The following SIL1 variants were observed in gnomAD, a reference collection of about 807,000 sequenced individuals.
The protein encoded by SIL1 is SIL1 nucleotide exchange factor.
In SIL1, 40 loss-of-function variants were observed where a neutral mutation model predicts 49.1. That is an observed-to-expected ratio of 0.81 (90% CI 0.63 to 1.06). SIL1 has a LOEUF of 1.06. Ranked by LOEUF, SIL1 falls within the 50% of genes least tolerant of loss-of-function variation. The pLI is 0.00. For missense variants in SIL1, 500 were observed against 572.6 expected (o/e 0.87, Z 1.29); for synonymous variants, 253 against 250.8 (o/e 1.01, Z -0.08).
At chr5:139,058,870 A>T (rs978055212) in intron 3 of SIL1, among the ~76,000 whole-genome samples, 4 of 150,872 alleles carry the variant, frequency 2.7e-5, no homozygotes, top group African/African-American at 9.8e-5. Context: ...TCAATTGGAG[A>T]ACAGTGTTTA....
At chr5:139,122,817 G>C (rs1750673164) in intron 2 of SIL1, among the ~76,000 whole-genome samples, 1 of 152,128 alleles carries the variant, frequency 6.6e-6, no homozygotes. Context: ...AAATATCTTG[G>C]CAAGAAGAAG....
intron 3 of SIL1, among the ~76,000 whole-genome samples, chr5:139,085,783 A>C (rs1439703815): frequency 6.6e-6 from 1 of 152,208 alleles, no homozygotes; most frequent in Admixed American, 6.5e-5. Context: ...ATGAGGCTGG[A>C]AACACAGGCT....
At chr5:138,975,320 C>T (rs1243449479) in intron 7 of SIL1, among the ~76,000 whole-genome samples, 1 of 152,056 alleles carries the variant, frequency 6.6e-6, no homozygotes, top group Admixed American at 6.5e-5. Flanking sequence ...AAAATGAAAC[C>T]ACTGTCCTCC....
intron 5 of SIL1, among the ~76,000 whole-genome samples, chr5:139,040,488 T>TTTC (rs1270953790): frequency 1.8e-5 from 2 of 109,856 alleles, no homozygotes; most frequent in East Asian, 5.4e-4. Flanking sequence ...TTTTTTCTTT[T>TTTC]TTCTTTTTTC....
chr5:138,975,549 TC>T (rs769286950), intron 7 of SIL1, among the ~76,000 whole-genome samples: 8 of 152,168 alleles, frequency 5.3e-5, no homozygotes, highest in Non-Finnish European at 7.3e-5. Context: ...GGTGCCAGTC[TC>T]CAGCACGGTC....
intron 7 of SIL1, among the ~76,000 whole-genome samples, chr5:138,965,612 C>T (rs1767121012): frequency 6.6e-6 from 1 of 151,866 alleles, no homozygotes; most frequent in South Asian, 2.1e-4. Flanking sequence ...GAATAAAGCA[C>T]TTTCATGGTC....
At chr5:139,177,321 C>A (rs1377394183) in intron 1 of SIL1, among the ~76,000 whole-genome samples, 3 of 152,168 alleles carry the variant, frequency 2.0e-5, no homozygotes, top group African/African-American at 7.2e-5. Context: ...CTCACTGCAA[C>A]CTCCGCCTCC....
Position 138,985,348 on chromosome 5 carries a change from C to T in SIL1, c.768-33464G>A, listed in dbSNP as rs77792012. 1.2e-4 allele frequency among the ~76,000 whole-genome samples: 18 copies of T among 152,290 alleles called. No individual in the cohort carries two copies. In the East Asian group the frequency reaches 3.5e-3, roughly 29 times the overall value. On this transcript the variant is annotated intron_variant, in intron 7 of 9. Coordinates refer to ENST00000394817, the MANE Select transcript of SIL1 (RefSeq NM_022464.5). ...TAGCGATTCCACAGGAAAACACCTC[C>T]CATGACAAAATGAAAGTAGACTTCA...
In SIL1 at chr5:139,131,084, C is replaced by A. The variant is rs565589349; in HGVS notation, c.-10-3231G>T. Among the ~76,000 whole-genome samples, 7 of 152,148 alleles carry A rather than the reference C, an allele frequency of 4.6e-5. No homozygotes were observed. In the South Asian group the frequency reaches 1.5e-3, roughly 32 times the overall value. On this transcript the variant is annotated intron_variant, in intron 1 of 9. Coordinates refer to ENST00000394817, the MANE Select transcript of SIL1 (RefSeq NM_022464.5). ...AACTTAATCCAAATTAGCAAATGATCTAGGAAAGAAAAACAAAATAAAACA... is the reference window on the plus strand; with the variant it reads ...AACTTAATCCAAATTAGCAAATGATATAGGAAAGAAAAACAAAATAAAACA...
intron 1 of SIL1, among the ~76,000 whole-genome samples, chr5:139,186,296 A>G (rs1045632873): frequency 2.0e-5 from 3 of 152,220 alleles, no homozygotes; most frequent in African/African-American, 7.2e-5. Flanking sequence ...ACAGAAAATC[A>G]TAGGACACTT....
intron 3 of SIL1, among the ~76,000 whole-genome samples, chr5:139,065,145 C>CA (rs1316821170): frequency 6.6e-6 from 1 of 152,110 alleles, no homozygotes; most frequent in Non-Finnish European, 1.5e-5. Flanking sequence ...GTTAAGGCTG[C>CA]AAAAAATTCA....
intron 7 of SIL1, among the ~76,000 whole-genome samples, chr5:138,968,065 C>T (rs138248475): frequency 6.6e-6 from 1 of 152,070 alleles, no homozygotes; most frequent in Non-Finnish European, 1.5e-5. Context: ...TGGGCTATAA[C>T]GAGCTCCAAA....
intron 7 of SIL1, among the ~76,000 whole-genome samples, chr5:138,998,453 C>A (rs1767920175): frequency 6.6e-6 from 1 of 152,182 alleles, no homozygotes; most frequent in Non-Finnish European, 1.5e-5. Context: ...TAAGCGTGAG[C>A]CACTGTGCTC....
At chr5:139,133,870 C>A (rs66775940) in intron 1 of SIL1, among the ~76,000 whole-genome samples, 10,507 of 152,240 alleles carry the variant, frequency 0.069, 523 homozygotes, top group South Asian at 0.1. Context: ...ACAAAAGAAA[C>A]AAAAACACTG....
chr5:139,080,307 G>A (rs1770045488), intron 3 of SIL1, among the ~76,000 whole-genome samples: 1 of 152,086 alleles, frequency 6.6e-6, no homozygotes, highest in South Asian at 2.1e-4. Flanking sequence ...AAAAGCTGTG[G>A]GCTAATGTTG....
chr5:139,049,932 C>G (rs1245198702), intron 4 of SIL1, among the ~76,000 whole-genome samples: 1 of 152,096 alleles, frequency 6.6e-6, no homozygotes, highest in African/African-American at 2.4e-5. Flanking sequence ...TGACTGGATA[C>G]TATTTTAGGC....
At chr5:139,168,210 G>A (rs1178184927) in intron 1 of SIL1, among the ~76,000 whole-genome samples, 1 of 152,130 alleles carries the variant, frequency 6.6e-6, no homozygotes, top group Admixed American at 6.5e-5. Context: ...GTTTGCACAA[G>A]GACAAAAATC....
intron 3 of SIL1, among the ~76,000 whole-genome samples, chr5:139,063,859 T>C (rs1769645723): frequency 6.6e-6 from 1 of 152,212 alleles, no homozygotes; most frequent in Non-Finnish European, 1.5e-5. Flanking sequence ...TAATTGACAC[T>C]CTGAATACAG....
chr5:139,147,177 G>C (rs188854584), intron 1 of SIL1, among the ~76,000 whole-genome samples: 71 of 152,180 alleles, frequency 4.7e-4, no homozygotes, highest in African/African-American at 1.7e-3. Flanking sequence ...TTCAGGCAAG[G>C]GGTTTCCCTT....
Sources: allele counts gnomAD v4.1 joint callset (sites outside exome capture counted in the v4.1 genomes callset), GRCh38; gene constraint gnomAD v4.1.1; transcripts MANE v1.5; gene names NCBI Gene and HGNC (gene_info 2026-07-23, HGNC 2026-07-21).